Variants in HK2 observed in about 807,000 individuals in gnomAD.
HK2 encodes hexokinase 2, also known as hexokinase-2.
A neutral mutation model predicts 92.9 loss-of-function variants in HK2; 42 were observed. That is an observed-to-expected ratio of 0.45 (90% CI 0.35 to 0.58). The LOEUF is 0.58. Ranked by LOEUF, HK2 falls within the 20% of genes least tolerant of loss-of-function variation. The probability of loss-of-function intolerance (pLI) is 0.00; values close to 1 mark genes in which losing one functional copy is unlikely to be tolerated. For missense variants in HK2, 978 were observed against 1,245.1 expected, an observed-to-expected ratio of 0.79 and a Z score of 3.23; for synonymous variants, 422 against 468.0, an observed-to-expected ratio of 0.90 and a Z score of 1.27.
chr2:74,886,102 C>T (rs1194186905), intron 13 of HK2, among the ~76,000 whole-genome samples, 192 bp from the exon 14 acceptor site: 2 of 151,592 alleles, frequency 1.3e-5, no homozygotes, highest in African/African-American at 4.9e-5. Flanking sequence ...TGGAAAGGGG[C>T]ACTGTTAAAT....
intron 10 of HK2, among the ~76,000 whole-genome samples, chr2:74,881,410 A>T (rs895509409): frequency 3.9e-5 from 6 of 152,190 alleles, no homozygotes; most frequent in Non-Finnish European, 8.8e-5. Context: ...GATCCCAATC[A>T]TCCTTAAGAG....
chr2:74,864,710 T>C lies in HK2; in HGVS notation c.227-2926T>C, dbSNP rs1473135920. On this transcript the variant is annotated intron_variant, in intron 2 of 17. Transcript: ENST00000290573. ...TTAGTAGAGACAGGGTTTCACCATG[T>C]TGACCAGGCTGGTCTCAAACTCCAG... is the stretch of plus-strand genomic sequence containing the variant. Among the ~76,000 whole-genome samples, 10 of 152,226 alleles carry C rather than the reference T, an allele frequency of 6.6e-5. 1 individual carries two copies. The highest frequency in any genetic ancestry group is 1.5e-4 in the Non-Finnish European group (10 of 68,040).
rs531358477 is a variant in HK2, at chr2:74,866,952, CAATATGCAAACAT to C, written c.227-670_227-658del. On this transcript the variant is annotated intron_variant, in intron 2 of 17. Transcript: ENST00000290573. ...GAAAGTAAATTTAGTACTGCAATTGCAATATGCAAACATAATATGCAAACATTAGAAAGTAAAT... is the reference window on the plus strand; with the variant it reads ...GAAAGTAAATTTAGTACTGCAATTGCAATATGCAAACATTAGAAAGTAAAT... Among the ~76,000 whole-genome samples the C allele has an allele frequency of 8.5e-4, 129 of 152,196 alleles. 2 individuals are homozygous for C. Among genetic ancestry groups the C allele is most frequent in the African/African-American group, 2.9e-3 (122 of 41,480 alleles).
chr2:74,854,172 A>G, intron 1 of HK2, 121 bp from the exon 2 acceptor site: 1 of 962,198 alleles, frequency 1.0e-6, no homozygotes. Context: ...GTCTTTAATA[A>G]TAACTTTCTG....
chr2:74,840,881 A>AC (rs1688297356), intron 1 of HK2, among the ~76,000 whole-genome samples: 2 of 91,426 alleles, frequency 2.2e-5, no homozygotes, highest in African/African-American at 8.5e-5. Context: ...TCTGTCTCAA[A>AC]AAAAAAAAAA....
chr2:74,835,621 G>C (rs1347971097), intron 1 of HK2, among the ~76,000 whole-genome samples: 1 of 151,610 alleles, frequency 6.6e-6, no homozygotes. Flanking sequence ...GGATGGGGCC[G>C]GGGCCGGGGA....
intron 1 of HK2, among the ~76,000 whole-genome samples, chr2:74,845,688 A>C (rs1688418710): frequency 6.6e-6 from 1 of 152,238 alleles, no homozygotes; most frequent in South Asian, 2.1e-4. Context: ...CTGAGGTGGC[A>C]TGGCTGCCCT....
At chr2:74,887,288 T>A (rs1349084197) in intron 15 of HK2, among the ~76,000 whole-genome samples, 1 of 152,062 alleles carries the variant, frequency 6.6e-6, no homozygotes, top group Non-Finnish European at 1.5e-5. Context: ...GCAACATTAA[T>A]GAAGGAAGCA....
At chr2:74,878,458 CGT>C (rs780924381) in intron 8 of HK2, among the ~76,000 whole-genome samples, 1 of 150,602 alleles carries the variant, frequency 6.6e-6, no homozygotes, top group South Asian at 2.1e-4. Context: ...CATGCGTGTG[CGT>C]GTGTGTGTGG....
intron 1 of HK2, among the ~76,000 whole-genome samples, chr2:74,846,752 T>G (rs1688451043): frequency 6.6e-6 from 1 of 152,160 alleles, no homozygotes; most frequent in African/African-American, 2.4e-5. Context: ...CCTCCTGGCT[T>G]CAAATGATCC....
Position 74,834,600 on chromosome 2 carries a change from T to A in HK2, c.20T>A (p.Leu7His). 6.2e-7 allele frequency: 1 copy of A among 1,613,918 alleles called. No individual in the cohort carries two copies. Among genetic ancestry groups the A allele is most frequent in the Non-Finnish European group, 8.5e-7 (1 of 1,179,836 alleles). ...GGCAGGATGATTGCCTCGCATCTGCTTGCCTACTTCTTCACGGAGCTCAAC... is the reference window on the plus strand; with the variant it reads ...GGCAGGATGATTGCCTCGCATCTGCATGCCTACTTCTTCACGGAGCTCAAC... MIASHL[L>H]AYFFTELNHD... The change falls in exon 1 of 18, where the codon CTT becomes CAT. Residue 7 changes from leucine (L) to histidine (H), a missense_variant. By Grantham distance (99) the Leu-to-His change is moderately conservative (BLOSUM62 -3). Coordinates refer to ENST00000290573, the MANE Select transcript of HK2 (RefSeq NM_000189.5). The surrounding 1 kb of genome is among the most constrained non-coding windows in gnomAD (Gnocchi z 4.2).
chr2:74,847,079 G>A (rs574507085), intron 1 of HK2, among the ~76,000 whole-genome samples: 11 of 152,184 alleles, frequency 7.2e-5, no homozygotes, highest in South Asian at 4.1e-4. Context: ...CTGGAGAGAC[G>A]GTTCTAGATA....
intron 2 of HK2, among the ~76,000 whole-genome samples, chr2:74,857,499 G>A (rs1213651727): frequency 6.6e-6 from 1 of 152,130 alleles, no homozygotes; most frequent in African/African-American, 2.4e-5. Flanking sequence ...GTTCATTACA[G>A]TGTTGCTTAA....
intron 3 of HK2, among the ~76,000 whole-genome samples, chr2:74,871,171 G>A (rs1689089440): frequency 6.6e-6 from 1 of 152,182 alleles, no homozygotes; most frequent in Non-Finnish European, 1.5e-5. Flanking sequence ...TGCTATAGTC[G>A]GTCTGTGGGG....
chr2:74,850,166 A>T (rs181006388), intron 1 of HK2, among the ~76,000 whole-genome samples: 8 of 152,316 alleles, frequency 5.3e-5, no homozygotes, highest in Non-Finnish European at 7.3e-5. Flanking sequence ...CTCCCAGAGG[A>T]GAGGGGAAGG....
intron 11 of HK2, 95 bp from the exon 12 acceptor site, chr2:74,882,025 G>T: frequency 1.4e-6 from 2 of 1,461,776 alleles, no homozygotes; most frequent in African/African-American, 1.4e-5. Context: ...ATTTCTTCTG[G>T]GTGGAAAGAA....
intron 10 of HK2, among the ~76,000 whole-genome samples, chr2:74,880,937 G>A (rs556481286): frequency 7.9e-5 from 12 of 152,328 alleles, no homozygotes; most frequent in African/African-American, 2.2e-4. Flanking sequence ...AGAAAATGTC[G>A]GAGCTGGGAT....
chr2:74,886,165 A>C, intron 13 of HK2, 129 bp from the exon 14 acceptor site: 1 of 784,428 alleles, frequency 1.3e-6, no homozygotes, highest in Non-Finnish European at 2.2e-6. Flanking sequence ...CACAGACCTG[A>C]ATGGAATGAG....
chr2:74,864,465 G>A (rs1558795968), intron 2 of HK2, among the ~76,000 whole-genome samples: 2 of 152,146 alleles, frequency 1.3e-5, no homozygotes, highest in South Asian at 2.1e-4. Flanking sequence ...ATCTATTAAC[G>A]GAGGAATAAT....
Sources: gnomAD v4.1 joint callset for allele counts (sites outside exome capture counted in the v4.1 genomes callset) on GRCh38, gnomAD v4.1.1 for gene constraint, Gnocchi (gnomAD v3.1) non-coding constraint, MANE v1.5 for transcripts, NCBI Gene and HGNC (gene_info 2026-07-23, HGNC 2026-07-21) for gene names.